Variants in EYS observed in about 807,000 individuals in gnomAD.
The protein encoded by EYS is EGF-like photoreceptor maintenance factor.
Under a neutral mutation model 282.1 loss-of-function variants are expected in EYS, and 250 were observed. The observed-to-expected ratio is 0.89, with a 90% CI of 0.80 to 0.98. EYS has a LOEUF of 0.98. EYS is among the 50% of genes least tolerant of loss of function. The pLI is 0.00. For missense variants in EYS, 4,016 were observed against 3,709.0 expected, an observed-to-expected ratio of 1.08 and a Z score of -2.15; for synonymous variants, 1,355 against 1,282.9, an observed-to-expected ratio of 1.06 and a Z score of -1.20.
chr6:63,782,995 A>G (rs567812730), intron 39 of EYS, among the ~76,000 whole-genome samples: 12 of 151,484 alleles, frequency 7.9e-5, no homozygotes, highest in African/African-American at 2.9e-4. Flanking sequence ...ATTGCAGTAA[A>G]CTGATTACAT....
intron 26 of EYS, among the ~76,000 whole-genome samples, chr6:64,556,680 A>G (rs923005698): frequency 3.3e-5 from 5 of 151,998 alleles, no homozygotes; most frequent in Non-Finnish European, 7.4e-5. Context: ...GGAGGAAATA[A>G]TATCCATGAA....
rs150010184 is a variant in EYS, at chr6:64,125,132, AACAC to A, written c.6425-43134_6425-43131del. On this transcript the variant is annotated intron_variant, in intron 31 of 42. Transcript: ENST00000503581. Reference sequence around the variant, plus strand: ...TCCCATTTTTTTTCTGATGATGTCAAACACACACACACACACTCTCTGTCTCTCT... The same window carrying A: ...TCCCATTTTTTTTCTGATGATGTCAAACACACACACACTCTCTGTCTCTCT... 1.7e-3 allele frequency among the ~76,000 whole-genome samples: 252 copies of A among 145,476 alleles called. 2 individuals carry two copies. The highest frequency in any genetic ancestry group is 6.2e-3 in the African/African-American group (227 of 36,846).
intron 36 of EYS, among the ~76,000 whole-genome samples, chr6:63,862,249 T>C (rs1304942916): frequency 6.6e-6 from 1 of 152,232 alleles, no homozygotes; most frequent in Non-Finnish European, 1.5e-5. Context: ...GAGCCATTTT[T>C]ATTTTCTTTT....
At chr6:64,847,100 A>C (rs1316070240) in intron 19 of EYS, among the ~76,000 whole-genome samples, 1 of 152,098 alleles carries the variant, frequency 6.6e-6, no homozygotes, top group Non-Finnish European at 1.5e-5. Flanking sequence ...TGAAAGCTGG[A>C]ACATTGATTT....
intron 2 of EYS, among the ~76,000 whole-genome samples, chr6:65,506,793 T>C (rs1766676953): frequency 6.6e-6 from 1 of 152,018 alleles, no homozygotes; most frequent in Admixed American, 6.6e-5. Context: ...TTTTAACTAA[T>C]TTAATTTGAT....
At chr6:65,203,292 A>C (rs1765948361) in intron 12 of EYS, among the ~76,000 whole-genome samples, 1 of 152,108 alleles carries the variant, frequency 6.6e-6, no homozygotes, top group Non-Finnish European at 1.5e-5. Context: ...TGCACAACCC[A>C]ACATAATTCT....
At chr6:65,359,919 T>A (rs1027288241) in intron 8 of EYS, among the ~76,000 whole-genome samples, 1 of 151,954 alleles carries the variant, frequency 6.6e-6, no homozygotes, top group African/African-American at 2.4e-5. Context: ...ATTATAGAAT[T>A]TTTTTCAACT....
At chr6:64,947,699 T>C (rs1233356068) in intron 14 of EYS, among the ~76,000 whole-genome samples, 1 of 150,702 alleles carries the variant, frequency 6.6e-6, no homozygotes, top group Non-Finnish European at 1.5e-5. Context: ...TACATAAAAA[T>C]TGAATATAAT....
At position 64,159,989 on chromosome 6, in the gene EYS, A is replaced by G. The variant is rs138709083; in HGVS notation, c.6424+70603T>C. ...TAGATTTGATTATTATTCCTTTTAC[A>G]AATAATAAAACTGAGGTACAAACAG... On this transcript the variant is annotated intron_variant, in intron 31 of 42. Coordinates refer to ENST00000503581, the MANE Select transcript of EYS (RefSeq NM_001142800.2). 1.9e-3 allele frequency among the ~76,000 whole-genome samples: 285 copies of G among 152,330 alleles called. 1 individual carries two copies. The highest frequency in any genetic ancestry group is 6.6e-3 in the African/African-American group (276 of 41,570).
chr6:64,757,980 T>C (rs1294360252), intron 22 of EYS, among the ~76,000 whole-genome samples: 4 of 152,150 alleles, frequency 2.6e-5, no homozygotes, highest in Non-Finnish European at 5.9e-5. Context: ...TTCACCGTGT[T>C]AGTCAGGATG....
At position 64,230,753 on chromosome 6, in the gene EYS, G is replaced by A. The variant is rs1562263390; in HGVS notation, c.6263C>T (p.Thr2088Ile). Reference protein sequence around the residue: ...DASDVTQGVDTMWTSVSPSVA... With the variant: ...DASDVTQGVDIMWTSVSPSVA... ...AGAGGGGCTGACAGAAGTCCACATG[G>A]TATCAACCCCTTGTGTCACATCAGA... The change falls in exon 31 of 43, where the codon ACC becomes ATC. Residue 2088 changes from threonine to isoleucine, a missense_variant. Physicochemically the swap from Thr to Ile is moderately conservative, Grantham distance 89. Coordinates refer to ENST00000503581, the MANE Select transcript of EYS (RefSeq NM_001142800.2). 6.4e-7 allele frequency: 1 copy of A among 1,551,538 alleles called. No individual in the cohort carries two copies.
intron 5 of EYS, among the ~76,000 whole-genome samples, chr6:65,462,356 A>G (rs985077152): frequency 3.9e-5 from 6 of 152,030 alleles, no homozygotes; most frequent in African/African-American, 1.4e-4. Context: ...TTTTGGTGTG[A>G]ATGGAAATGT....
chr6:64,236,458 G>T (rs891333712), intron 30 of EYS, among the ~76,000 whole-genome samples: 2 of 152,062 alleles, frequency 1.3e-5, no homozygotes. Flanking sequence ...TGGAATTGCT[G>T]GATTATATAT....
chr6:65,331,635 G>C (rs992489599), intron 11 of EYS: 1 of 980,778 alleles, frequency 1.0e-6, no homozygotes, highest in Admixed American at 6.2e-5. Context: ...AAACAAAAGA[G>C]AATCACAAAA....
intron 12 of EYS, among the ~76,000 whole-genome samples, chr6:65,269,861 G>C (rs1767851115): frequency 6.6e-6 from 1 of 151,992 alleles, no homozygotes; most frequent in South Asian, 2.1e-4. Context: ...ACCTCCCAGA[G>C]ACCCTACCTC....
chr6:63,962,458 C>T (rs1766111311), intron 35 of EYS, among the ~76,000 whole-genome samples: 1 of 152,148 alleles, frequency 6.6e-6, no homozygotes. Context: ...AGGATATGAA[C>T]AGACACTTCT....
intron 11 of EYS, among the ~76,000 whole-genome samples, chr6:65,311,298 T>C (rs936722276): frequency 1.2e-4 from 18 of 152,308 alleles, no homozygotes; most frequent in African/African-American, 3.8e-4. Context: ...CATTTAATCC[T>C]ATTTTCTATG....
intron 33 of EYS, among the ~76,000 whole-genome samples, chr6:64,012,440 G>C (rs1372304167): frequency 6.6e-6 from 1 of 152,092 alleles, no homozygotes; most frequent in East Asian, 1.9e-4. Flanking sequence ...TGGCAGTAAA[G>C]GTACATGGCA....
At chr6:65,249,112 A>G (rs1437545089) in intron 12 of EYS, among the ~76,000 whole-genome samples, 2 of 151,856 alleles carry the variant, frequency 1.3e-5, no homozygotes, top group Non-Finnish European at 1.5e-5. Flanking sequence ...AAACTGTGGA[A>G]TAAAATGAGA....
Sources: gnomAD v4.1 joint callset for allele counts (sites outside exome capture counted in the v4.1 genomes callset) on GRCh38, gnomAD v4.1.1 for gene constraint, MANE v1.5 for transcripts, NCBI Gene and HGNC (gene_info 2026-07-23, HGNC 2026-07-21) for gene names.